The following ITGA9 variants were observed in gnomAD, a reference collection of about 807,000 sequenced individuals.
The protein encoded by ITGA9 is integrin subunit alpha 9.
In ITGA9, 56 loss-of-function variants were observed where a neutral mutation model predicts 127.8. That is an observed-to-expected ratio of 0.44 (90% CI 0.35 to 0.55). The LOEUF is 0.55. Among genes scored for constraint, ITGA9 ranks in the 20% least tolerant of loss-of-function variants. The pLI is 0.00. For missense variants in ITGA9, 1,196 were observed against 1,347.1 expected (o/e 0.89, Z 1.76); for synonymous variants, 508 against 514.5 (o/e 0.99, Z 0.17).
At chr3:37,501,984 G>T (rs1698791206) in intron 5 of ITGA9, among the ~76,000 whole-genome samples, 1 of 152,112 alleles carries the variant, frequency 6.6e-6, no homozygotes, top group Non-Finnish European at 1.5e-5. Context: ...ATAAACTTTG[G>T]GAGTGAGAGA....
intron 10 of ITGA9, among the ~76,000 whole-genome samples, chr3:37,518,090 A>ACG (rs906898513): frequency 7.8e-5 from 4 of 50,996 alleles, no homozygotes; most frequent in African/African-American, 1.9e-4. Flanking sequence ...TTGAGAGTGT[A>ACG]CGCGTGTGTG....
In ITGA9 at chr3:37,821,867, G is replaced by C. The variant is rs551803052; in HGVS notation, c.*2878G>C. On this transcript the variant is annotated 3_prime_UTR_variant, in exon 28 of 28. Transcript: ENST00000264741. ...ATACTGAAAGCCTCCCCAGGAACCT[G>C]TCTGGGGAAGGATGATGCCTCTGCT... 1.3e-5 allele frequency: 2 copies of C among 152,188 alleles called. No homozygotes were observed. Among genetic ancestry groups the C allele is most frequent in the East Asian group, 1.9e-4 (1 of 5,160 alleles). The allele number at this position is 152,188 out of a possible 1,614,324, so 9.4% of individuals were successfully genotyped here. A position where few individuals can be genotyped will look rare whatever the true frequency, so the allele number is the denominator to read the frequency against.
intron 15 of ITGA9, among the ~76,000 whole-genome samples, chr3:37,610,165 G>T (rs979928064): frequency 5.9e-5 from 9 of 152,204 alleles, no homozygotes; most frequent in African/African-American, 1.9e-4. Flanking sequence ...GAAAAAGAGG[G>T]ACAGACCTAG....
At chr3:37,613,376 G>T (rs1223022926) in intron 15 of ITGA9, among the ~76,000 whole-genome samples, 1 of 152,080 alleles carries the variant, frequency 6.6e-6, no homozygotes, top group Non-Finnish European at 1.5e-5. Context: ...TTGGACATTT[G>T]GGTTGGTTCC....
intron 18 of ITGA9, among the ~76,000 whole-genome samples, chr3:37,686,720 A>AG (rs1700785765): frequency 6.6e-6 from 1 of 152,230 alleles, no homozygotes; most frequent in South Asian, 2.1e-4. Flanking sequence ...GTGATGGAGC[A>AG]GGGAGGTATC....
At chr3:37,737,428 G>A (rs1451114040) in intron 20 of ITGA9, among the ~76,000 whole-genome samples, 1 of 152,220 alleles carries the variant, frequency 6.6e-6, no homozygotes, top group Non-Finnish European at 1.5e-5. Context: ...GCCTGGCTGA[G>A]CCTGTTGGCA....
At chr3:37,606,960 C>T (rs1699974417) in intron 15 of ITGA9, among the ~76,000 whole-genome samples, 1 of 142,920 alleles carries the variant, frequency 7.0e-6, no homozygotes, top group Non-Finnish European at 1.5e-5. Flanking sequence ...AATAGCAGGG[C>T]TCATGGCTCC....
At chr3:37,492,432 T>TGCTG (rs1250361846) in intron 4 of ITGA9, among the ~76,000 whole-genome samples, 1 of 152,224 alleles carries the variant, frequency 6.6e-6, no homozygotes, top group African/African-American at 2.4e-5. Flanking sequence ...GGCTTCCCCT[T>TGCTG]GCTGGCCTTC....
intron 23 of ITGA9, among the ~76,000 whole-genome samples, chr3:37,763,106 A>G (rs1696741557): frequency 6.6e-6 from 1 of 152,250 alleles, no homozygotes; most frequent in African/African-American, 2.4e-5. Flanking sequence ...GCAGAGAGGA[A>G]AACAGACAAA....
chr3:37,769,209 A>G (rs1232920986), intron 23 of ITGA9, among the ~76,000 whole-genome samples: 3 of 151,958 alleles, frequency 2.0e-5, no homozygotes, highest in Non-Finnish European at 2.9e-5. Flanking sequence ...ATGGTGGCAC[A>G]CACCCATCAT....
intron 1 of ITGA9, among the ~76,000 whole-genome samples, chr3:37,460,534 G>A (rs1309487314): frequency 6.6e-6 from 1 of 151,062 alleles, no homozygotes; most frequent in Non-Finnish European, 1.5e-5. Context: ...TTACATGCCT[G>A]TAACAAAATA....
chr3:37,473,053 C>T (rs933258878), intron 2 of ITGA9, among the ~76,000 whole-genome samples: 3 of 143,154 alleles, frequency 2.1e-5, no homozygotes, highest in African/African-American at 5.2e-5. Flanking sequence ...GCAGGGCAAT[C>T]GCTTGAACCT....
At chr3:37,627,614 C>G (rs1283193374) in intron 15 of ITGA9, among the ~76,000 whole-genome samples, 2 of 152,174 alleles carry the variant, frequency 1.3e-5, no homozygotes, top group African/African-American at 4.8e-5. Flanking sequence ...CCCATGCAGT[C>G]TATTTAATTT....
intron 23 of ITGA9, among the ~76,000 whole-genome samples, chr3:37,761,729 G>A (rs1340728745): frequency 3.3e-5 from 5 of 152,184 alleles, no homozygotes; most frequent in Admixed American, 6.5e-5. Flanking sequence ...GAGTTCAGCA[G>A]GACTTGTTTC....
At chr3:37,655,443 C>G (rs1365362918) in intron 17 of ITGA9, among the ~76,000 whole-genome samples, 1 of 152,156 alleles carries the variant, frequency 6.6e-6, no homozygotes, top group Non-Finnish European at 1.5e-5. Flanking sequence ...TCTGTAATGA[C>G]CAATGATGAT....
At position 37,750,555 on chromosome 3, in the gene ITGA9, G is replaced by T; in HGVS notation, c.2527G>T (p.Val843Phe). 6.2e-7 allele frequency: 1 copy of T among 1,608,838 alleles called. No individual in the cohort carries two copies. Among genetic ancestry groups the T allele is most frequent in the Non-Finnish European group, 8.5e-7 (1 of 1,175,184 alleles). ...LSSGGAEMFHVQEMVVGQEKG... is the reference protein window; with the variant it reads ...LSSGGAEMFHFQEMVVGQEKG... ...ATCTGGTGGTGCAGAGATGTTTCAT[G>T]TCCAGGAAATGGTGGTGAGTTCTCC... The change falls in exon 23 of 28, where the codon GTC becomes TTC. Residue 843 changes from valine (V) to phenylalanine (F), a missense_variant. Transcript: ENST00000264741.
chr3:37,744,298 G>A (rs1696474126), intron 22 of ITGA9, among the ~76,000 whole-genome samples: 1 of 152,312 alleles, frequency 6.6e-6, no homozygotes, highest in African/African-American at 2.4e-5. Context: ...AGCCCTCTGT[G>A]TGGTGGAGGC....
At chr3:37,686,034 T>G (rs1330637196) in intron 18 of ITGA9, among the ~76,000 whole-genome samples, 1 of 152,262 alleles carries the variant, frequency 6.6e-6, no homozygotes, top group Non-Finnish European at 1.5e-5. Flanking sequence ...GTTTCTATAT[T>G]AAGTAAAATT....
chr3:37,755,675 T>C (rs1232570483), intron 23 of ITGA9, among the ~76,000 whole-genome samples: 5 of 152,204 alleles, frequency 3.3e-5, no homozygotes, highest in Non-Finnish European at 5.9e-5. Flanking sequence ...TGAGAATGTA[T>C]TGCAGAAGAA....
Sources: gnomAD v4.1 joint callset for allele counts (sites outside exome capture counted in the v4.1 genomes callset) on GRCh38, gnomAD v4.1.1 for gene constraint, MANE v1.5 for transcripts, NCBI Gene and HGNC (gene_info 2026-07-23, HGNC 2026-07-21) for gene names.